Variants in ACTL9 observed in about 807,000 individuals in gnomAD.
ACTL9 encodes actin-like protein 9.
Under a neutral mutation model 0.9 loss-of-function variants are expected in ACTL9, and 1 was observed. The ratio of observed to expected loss-of-function variants is 1.10; its 90% confidence interval spans 0.39 to 5.23. The LOEUF (loss-of-function observed/expected upper bound fraction) is 5.23, where lower values mean the gene tolerates loss of function less well. Among genes scored for constraint, ACTL9 ranks in the 30% most tolerant of loss-of-function variants. ACTL9 has a pLI of 0.16. For synonymous variants in ACTL9, 283 were observed against 269.5 expected (o/e 1.05, Z -0.49); for missense variants, 597 against 566.8 (o/e 1.05, Z -0.54).
Position 8,697,497 on chromosome 19 carries a change from T to G in ACTL9, c.1205A>C (p.Gln402Pro), listed in dbSNP as rs1555753227. 2 of 1,611,938 alleles carry G rather than the reference T, an allele frequency of 1.2e-6. No homozygotes were observed. The highest frequency in any genetic ancestry group is 1.3e-5 in the African/African-American group (1 of 74,764). The part of the protein sequence containing the change: ...AFQSCWVLRE[Q>P]YEEQGPYIVY... Reference sequence around the variant, plus strand: ...GATATAGGGACCCTGTTCCTCGTACTGCTCCCGCAGGACCCAGCAGGACTG... The same window carrying G: ...GATATAGGGACCCTGTTCCTCGTACGGCTCCCGCAGGACCCAGCAGGACTG... Residue 402 changes from glutamine (Q) to proline (P), a missense_variant, in exon 1 of 1, where the codon CAG becomes CCG. Coordinates refer to ENST00000324436, the MANE Select transcript of ACTL9 (RefSeq NM_178525.5). The surrounding 1 kb of genome is among the most constrained non-coding windows in gnomAD (Gnocchi z 4.3).
In ACTL9 at chr19:8,698,753, G is replaced by A; in HGVS notation, c.-52C>T. On this transcript the variant is annotated 5_prime_UTR_variant, in exon 1 of 1. Transcript: ENST00000324436. Reference sequence around the variant, plus strand: ...TTTTCCTCTGGGGTTGGGGTTGCGGGGAGAAGAGGTTGAGGCCCGGCCAGT... The same window carrying A: ...TTTTCCTCTGGGGTTGGGGTTGCGGAGAGAAGAGGTTGAGGCCCGGCCAGT... 1.4e-6 allele frequency: 2 copies of A among 1,447,732 alleles called. No individual in the cohort carries two copies. Among genetic ancestry groups the A allele is most frequent in the Non-Finnish European group, 1.8e-6 (2 of 1,093,978 alleles). The allele number at this position is 1,447,732 out of a possible 1,614,324, so 89.7% of individuals were successfully genotyped here.
In ACTL9 at chr19:8,698,233, T is replaced by C. The variant is rs782024341; in HGVS notation, c.469A>G (p.Thr157Ala). Reference sequence around the variant, plus strand: ...ACCTCCACTAGCTTCTCGCGGTTGGTGGCCGGGCTGAAGGGTGGGTCGGAG... The same window carrying C: ...ACCTCCACTAGCTTCTCGCGGTTGGCGGCCGGGCTGAAGGGTGGGTCGGAG... ...LFSDPPFSPA[T>A]NREKLVEVAF... is the part of the protein sequence containing the mutation. The change falls in exon 1 of 1, where the codon ACC (threonine) becomes GCC (alanine). Residue 157 changes from threonine (T) to alanine (A), a missense_variant. Thr to Ala is a moderately conservative substitution (Grantham distance 58). Transcript: ENST00000324436. The C allele has an allele frequency of 3.8e-6, 6 of 1,587,612 alleles. No individual in the cohort carries two copies. Among genetic ancestry groups the C allele is most frequent in the Non-Finnish European group, 5.1e-6 (6 of 1,165,346 alleles).
At position 8,698,025 on chromosome 19, in the gene ACTL9, T is replaced by C. The variant is rs1384882995; in HGVS notation, c.677A>G (p.Asn226Ser). 4 of 1,601,510 alleles carry C rather than the reference T, an allele frequency of 2.5e-6. No individual in the cohort carries two copies. Among genetic ancestry groups the C allele is most frequent in the East Asian group, 4.5e-5 (2 of 44,876 alleles). The change falls in exon 1 of 1, where the codon AAC (asparagine) becomes AGC (serine). Residue 226 changes from asparagine to serine, a missense_variant. Transcript: ENST00000324436. Reference sequence around the variant, plus strand: ...CTCCGCCAGGAAGGCGGTCAGGTTGTTGCCCGCCAGGTCCAGACGCTCCGT... The same window carrying C: ...CTCCGCCAGGAAGGCGGTCAGGTTGCTGCCCGCCAGGTCCAGACGCTCCGT... ...HATERLDLAG[N>S]NLTAFLAEML... is the part of the protein sequence containing the mutation.
At position 8,697,971 on chromosome 19, in the gene ACTL9, C is replaced by T; in HGVS notation, c.731G>A (p.Gly244Glu). 1 of 1,611,050 alleles carries T rather than the reference C, an allele frequency of 6.2e-7. No individual in the cohort carries two copies. Among genetic ancestry groups the T allele is most frequent in the South Asian group, 1.1e-5 (1 of 91,080 alleles). Reference sequence around the variant, plus strand: ...CTCCACTAGGTCCAGGTCCTGCTGTCCCAGGGGCAGGCCGGCCTGGAGCAG... The same window carrying T: ...CTCCACTAGGTCCAGGTCCTGCTGTTCCAGGGGCAGGCCGGCCTGGAGCAG... ...EMLLQAGLPL[G>E]QQDLDLVENI... The change falls in exon 1 of 1, where the codon GGA becomes GAA. Residue 244 changes from glycine to glutamate, a missense_variant. Gly to Glu is a moderately conservative substitution (Grantham distance 98). Transcript: ENST00000324436. This position sits in a 1 kb window ranked among gnomAD's most constrained non-coding sequence, Gnocchi z 4.3.
rs782641990 is a variant in ACTL9 at position 8,698,567 on chromosome 19, C to T, written c.135G>A (p.Leu45=). Reference sequence around the variant, plus strand: ...TAACCACCGCGCCGGTCTTTGGTGGCAGCCTGTCGGCCACCATGCCGGGGG... The same window carrying T: ...TAACCACCGCGCCGGTCTTTGGTGGTAGCCTGTCGGCCACCATGCCGGGGG... ...RDSPGMVADR[L]PPKTGAVVID... is the part of the protein sequence containing the mutation. The change falls in exon 1 of 1, where the codon CTG becomes CTA. Residue 45 remains leucine (L), a synonymous_variant. Transcript: ENST00000324436. 3 of 1,612,708 alleles carry T rather than the reference C, an allele frequency of 1.9e-6. No individual in the cohort carries two copies. The highest frequency in any genetic ancestry group is 2.2e-5 in the East Asian group (1 of 44,836).
Position 8,697,959 on chromosome 19 carries a change from A to C in ACTL9, c.743T>G (p.Leu248Arg). 1 of 1,612,522 alleles carries C rather than the reference A, an allele frequency of 6.2e-7. No individual in the cohort carries two copies. The highest frequency in any genetic ancestry group is 8.5e-7 in the Non-Finnish European group (1 of 1,180,004). ...QAGLPLGQQD[L>R]DLVENIKHHY... ...GTGCTTAATGTTCTCCACTAGGTCC[A>C]GGTCCTGCTGTCCCAGGGGCAGGCC... Residue 248 changes from leucine to arginine, a missense_variant, in exon 1 of 1, where the codon CTG (leucine) becomes CGG (arginine). Coordinates refer to ENST00000324436, the MANE Select transcript of ACTL9 (RefSeq NM_178525.5). This position sits in a 1 kb window ranked among gnomAD's most constrained non-coding sequence, Gnocchi z 4.3.
Position 8,698,705 on chromosome 19 carries a change from T to G in ACTL9, c.-4A>C. The G allele has an allele frequency of 2.2e-6, 3 of 1,375,262 alleles. No homozygotes were observed. Among genetic ancestry groups the G allele is most frequent in the East Asian group, 3.2e-5 (1 of 31,294 alleles). 85.2% of individuals were successfully genotyped at this position (1,375,262 alleles called of 1,614,324 possible). On this transcript the variant is annotated 5_prime_UTR_variant, in exon 1 of 1. Transcript: ENST00000324436. The stretch of plus-strand genomic sequence containing the variant: ...ACTTGGGGCGACTTGCATCCATGGT[T>G]GCGGGACGCCAGGTGAGGGGGCTTT...
rs561520718 is a variant in ACTL9, at chr19:8,697,400, G to A, written c.*51C>T. On this transcript the variant is annotated 3_prime_UTR_variant, in exon 1 of 1. Transcript: ENST00000324436. This position sits in a 1 kb window ranked among gnomAD's most constrained non-coding sequence, Gnocchi z 4.3. ...CCTGGAGGAAGGACAGGACAGAGCC[G>A]GCTGTAGCAGAGGCTTTACTGCCCC... The A allele has an allele frequency of 3.9e-6, 6 of 1,526,656 alleles. No individual in the cohort carries two copies. In the East Asian group the frequency reaches 1.1e-4, roughly 29 times the overall value. 94.6% of individuals were successfully genotyped at this position (1,526,656 alleles called of 1,614,324 possible).
chr19:8,698,442 G>A lies in ACTL9; in HGVS notation c.260C>T (p.Ala87Val). The A allele has an allele frequency of 2.0e-6, 3 of 1,527,026 alleles. No individual in the cohort carries two copies. The highest frequency in any genetic ancestry group is 2.6e-6 in the Non-Finnish European group (3 of 1,135,534). 94.6% of individuals were successfully genotyped at this position (1,527,026 alleles called of 1,614,324 possible). ...CTGCAGCCCGGACTGCCCCGAGGTG[G>A]CGGGTTTCTTGGGCTGGCAGCCCAG... The part of the protein sequence containing the change: ...TILGCQPKKP[A>V]TSGQSGLQTF... Residue 87 changes from alanine to valine, a missense_variant, in exon 1 of 1, where the codon GCC becomes GTC. Ala to Val is a moderately conservative substitution (Grantham distance 64). Coordinates refer to ENST00000324436, the MANE Select transcript of ACTL9 (RefSeq NM_178525.5).
At position 8,697,659 on chromosome 19, in the gene ACTL9, G is replaced by T; in HGVS notation, c.1043C>A (p.Thr348Asn). 6.2e-7 allele frequency: 1 copy of T among 1,612,826 alleles called. No homozygotes were observed. ...TGCCCGGAAGCGACCCTCGAAGCCG[G>T]TGAAGAGCGAGGACCCACCGCAGAG... is the stretch of plus-strand genomic sequence containing the variant. ...VLLCGGSSLFTGFEGRFRAEL... is the reference protein window; with the variant it reads ...VLLCGGSSLFNGFEGRFRAEL... The change falls in exon 1 of 1, where the codon ACC becomes AAC. Residue 348 changes from threonine (T) to asparagine (N), a missense_variant. Thr to Asn is a moderately conservative substitution (Grantham distance 65). Transcript: ENST00000324436. This position sits in a 1 kb window ranked among gnomAD's most constrained non-coding sequence, Gnocchi z 4.3.
chr19:8,698,213 C>A lies in ACTL9; in HGVS notation c.489G>T (p.Val163=). 1 of 1,599,620 alleles carries A rather than the reference C, an allele frequency of 6.3e-7. No individual in the cohort carries two copies. The highest frequency in any genetic ancestry group is 8.5e-7 in the Non-Finnish European group (1 of 1,172,178). ...FSPATNREKL[V]EVAFESLRSP... is the part of the protein sequence containing the mutation. ...AGCGCAGCGACTCGAAGGCCACCTC[C>A]ACTAGCTTCTCGCGGTTGGTGGCCG... Residue 163 remains valine, a synonymous_variant, in exon 1 of 1, where the codon GTG becomes GTT. Coordinates refer to ENST00000324436, the MANE Select transcript of ACTL9 (RefSeq NM_178525.5).
chr19:8,697,625 C>T lies in ACTL9; in HGVS notation c.1077G>A (p.Leu359=). 1 of 1,612,304 alleles carries T rather than the reference C, an allele frequency of 6.2e-7. No individual in the cohort carries two copies. Among genetic ancestry groups the T allele is most frequent in the Non-Finnish European group, 8.5e-7 (1 of 1,179,716 alleles). The change falls in exon 1 of 1, where the codon CTG becomes CTA. Residue 359 remains leucine, a synonymous_variant. Transcript: ENST00000324436. The surrounding 1 kb of genome is among the most constrained non-coding windows in gnomAD (Gnocchi z 4.3). ...GFEGRFRAEL[L]RALPAETHVV... ...CGTGGGTCTCGGCTGGCAGAGCGCG[C>T]AGCAGCTCTGCCCGGAAGCGACCCT...
In ACTL9 at chr19:8,698,761, G is replaced by A; in HGVS notation, c.-60C>T. 7.0e-7 allele frequency: 1 copy of A among 1,431,460 alleles called. No homozygotes were observed. Among genetic ancestry groups the A allele is most frequent in the Non-Finnish European group, 9.2e-7 (1 of 1,083,856 alleles). 88.7% of individuals were successfully genotyped at this position (1,431,460 alleles called of 1,614,324 possible). ...TGGGGTTGGGGTTGCGGGGAGAAGA[G>A]GTTGAGGCCCGGCCAGTGGGGAGGG... On this transcript the variant is annotated 5_prime_UTR_variant, in exon 1 of 1. Coordinates refer to ENST00000324436, the MANE Select transcript of ACTL9 (RefSeq NM_178525.5).
rs782434471 is a variant in ACTL9, at chr19:8,697,862, C to T, written c.840G>A (p.Leu280=). Residue 280 remains leucine, a synonymous_variant, in exon 1 of 1, where the codon CTG becomes CTA. Transcript: ENST00000324436. The surrounding 1 kb of genome is among the most constrained non-coding windows in gnomAD (Gnocchi z 4.3). Reference sequence around the variant, plus strand: ...TGACCGTGCGCCCATCGGGCAGCTTCAGAGTCCGCTTGTACTCCTGCTCCG... The same window carrying T: ...TGACCGTGCGCCCATCGGGCAGCTTTAGAGTCCGCTTGTACTCCTGCTCCG... The part of the protein sequence containing the change: ...ARPEQEYKRT[L]KLPDGRTVTL... 1 of 1,613,254 alleles carries T rather than the reference C, an allele frequency of 6.2e-7. No homozygotes were observed. The highest frequency in any genetic ancestry group is 1.1e-5 in the South Asian group (1 of 91,080).
Position 8,698,063 on chromosome 19 carries a change from G to T in ACTL9, c.639C>A (p.Asn213Lys). Residue 213 changes from asparagine (N) to lysine (K), a missense_variant, in exon 1 of 1, where the codon AAC becomes AAA. Physicochemically the swap from Asn to Lys is moderately conservative, Grantham distance 94. Coordinates refer to ENST00000324436, the MANE Select transcript of ACTL9 (RefSeq NM_178525.5). ...TYTVPVFQGYNLLHATERLDL... is the reference protein window; with the variant it reads ...TYTVPVFQGYKLLHATERLDL... ...CCAGACGCTCCGTGGCGTGGAGCAGGTTGTAGCCCTGGAAGACGGGCACTG... is the reference window on the plus strand; with the variant it reads ...CCAGACGCTCCGTGGCGTGGAGCAGTTTGTAGCCCTGGAAGACGGGCACTG... 6.2e-7 allele frequency: 1 copy of T among 1,601,770 alleles called. No homozygotes were observed. Among genetic ancestry groups the T allele is most frequent in the Non-Finnish European group, 8.5e-7 (1 of 1,179,958 alleles).
rs535368376 is a variant in ACTL9 at position 8,698,275 on chromosome 19, C to T, written c.427G>A (p.Asp143Asn). The part of the protein sequence containing the change: ...LEHDLRVATH[D>N]HPLLFSDPPF... The stretch of plus-strand genomic sequence containing the variant: ...GGGTCGGAGAACAGCAGCGGGTGGT[C>T]GTGGGTGGCCACTCGGAGGTCGTGC... Residue 143 changes from aspartate to asparagine, a missense_variant, in exon 1 of 1, where the codon GAC (aspartate) becomes AAC (asparagine). By Grantham distance (23) the Asp-to-Asn change is conservative (BLOSUM62 1). Transcript: ENST00000324436. 2.6e-6 allele frequency: 4 copies of T among 1,546,812 alleles called. No homozygotes were observed. The highest frequency in any genetic ancestry group is 3.5e-6 in the Non-Finnish European group (4 of 1,144,176).
rs1555753565 is a variant in ACTL9 at position 8,698,733 on chromosome 19, C to T, written c.-32G>A. On this transcript the variant is annotated 5_prime_UTR_variant, in exon 1 of 1. Transcript: ENST00000324436. The stretch of plus-strand genomic sequence containing the variant: ...GGGACGCCAGGTGAGGGGGCTTTTC[C>T]TCTGGGGTTGGGGTTGCGGGGAGAA... 2.1e-6 allele frequency: 3 copies of T among 1,462,342 alleles called. No homozygotes were observed. Among genetic ancestry groups the T allele is most frequent in the Admixed American group, 2.3e-5 (1 of 43,994 alleles). The allele number at this position is 1,462,342 out of a possible 1,614,324, so 90.6% of individuals were successfully genotyped here. A position where few individuals can be genotyped will look rare whatever the true frequency, so the allele number is the denominator to read the frequency against.
In ACTL9 at chr19:8,697,551, C is replaced by G; in HGVS notation, c.1151G>C (p.Gly384Ala). 1 of 1,613,676 alleles carries G rather than the reference C, an allele frequency of 6.2e-7. No individual in the cohort carries two copies. The highest frequency in any genetic ancestry group is 8.5e-7 in the Non-Finnish European group (1 of 1,179,904). The change falls in exon 1 of 1, where the codon GGC becomes GCC. Residue 384 changes from glycine (G) to alanine (A), a missense_variant. Physicochemically the swap from Gly to Ala is moderately conservative, Grantham distance 60. Coordinates refer to ENST00000324436, the MANE Select transcript of ACTL9 (RefSeq NM_178525.5). The surrounding 1 kb of genome is among the most constrained non-coding windows in gnomAD (Gnocchi z 4.3). Reference protein sequence around the residue: ...PTRNFSVWIGGSILASLRAFQ... With the variant: ...PTRNFSVWIGASILASLRAFQ... The stretch of plus-strand genomic sequence containing the variant: ...GGCGCGCAGGGAGGCCAGGATGGAG[C>G]CCCCGATCCATACGGAGAAATTCCT...
In ACTL9 at chr19:8,698,722, G is replaced by C; in HGVS notation, c.-21C>G. Reference sequence around the variant, plus strand: ...TCCATGGTTGCGGGACGCCAGGTGAGGGGGCTTTTCCTCTGGGGTTGGGGT... The same window carrying C: ...TCCATGGTTGCGGGACGCCAGGTGACGGGGCTTTTCCTCTGGGGTTGGGGT... On this transcript the variant is annotated 5_prime_UTR_variant, in exon 1 of 1. Transcript: ENST00000324436. The C allele has an allele frequency of 6.7e-7, 1 of 1,487,710 alleles. No homozygotes were observed. The highest frequency in any genetic ancestry group is 9.0e-7 in the Non-Finnish European group (1 of 1,112,576). The allele number at this position is 1,487,710 out of a possible 1,614,324, so 92.2% of individuals were successfully genotyped here.
Sources: gnomAD v4.1 joint callset for allele counts on GRCh38, gnomAD v4.1.1 for gene constraint, Gnocchi (gnomAD v3.1) non-coding constraint, MANE v1.5 for transcripts, NCBI Gene and HGNC (gene_info 2026-07-23, HGNC 2026-07-21) for gene names.